The following OLFM1 variants were observed in gnomAD, a reference collection of about 807,000 sequenced individuals.
The protein encoded by OLFM1 is noelin.
Under a neutral mutation model 49.7 loss-of-function variants are expected in OLFM1, and 9 were observed. That is an observed-to-expected ratio of 0.18 (90% confidence interval 0.11 to 0.32). The LOEUF is 0.32. OLFM1 is among the 10% of genes least tolerant of loss of function. OLFM1 has a pLI of 1.00. For synonymous variants in OLFM1, 240 were observed against 271.8 expected, an observed-to-expected ratio of 0.88 and a Z score of 1.15; for missense variants, 369 against 661.8, an observed-to-expected ratio of 0.56 and a Z score of 4.85.
rs1045583114 is a variant in OLFM1 at position 135,075,520 on chromosome 9, G to C, written c.-187G>C. 25 of 206,786 alleles carry C rather than the reference G, an allele frequency of 1.2e-4. No homozygotes were observed. The East Asian group carries it at 2.8e-3, about 23-fold the overall frequency. The allele number at this position is 206,786 out of a possible 1,614,324, so 12.8% of individuals were successfully genotyped here. A position where few individuals can be genotyped will look rare whatever the true frequency, so the allele number is the denominator to read the frequency against. ...GCCCGGAGGCAGACGCGCCGGAACCGGGACGCGATAAATATGCAGAGCGGA... is the reference window on the plus strand; with the variant it reads ...GCCCGGAGGCAGACGCGCCGGAACCCGGACGCGATAAATATGCAGAGCGGA... On this transcript the variant is annotated 5_prime_UTR_variant, in exon 1 of 6. Coordinates refer to the OLFM1 transcript ENST00000252854.
exon 1 of OLFM1, chr9:135,075,523 A>C: frequency 1.9e-5 from 4 of 210,476 alleles, no homozygotes; most frequent in East Asian, 2.1e-4. Flanking sequence ...CGGAACCGGG[A>C]CGCGATAAAT....
intron 5 of OLFM1, among the ~76,000 whole-genome samples, chr9:135,109,986 C>T (rs981292738): frequency 3.3e-5 from 5 of 152,198 alleles, no homozygotes; most frequent in Admixed American, 6.5e-5. Context: ...TTATTAAGCA[C>T]TGACTGTATG....
chr9:135,117,176 G>A lies in OLFM1; in HGVS notation c.784-2328G>A, dbSNP rs777545586. 6.6e-6 allele frequency among the ~76,000 whole-genome samples: 1 copy of A among 152,140 alleles called. No individual in the cohort carries two copies. Among genetic ancestry groups the A allele is most frequent in the Non-Finnish European group, 1.5e-5 (1 of 68,018 alleles). On this transcript the variant is annotated intron_variant, in intron 5 of 5. Coordinates refer to ENST00000371793, the MANE Select transcript of OLFM1 (RefSeq NM_001282611.2). This position sits in a 1 kb window ranked among gnomAD's most constrained non-coding sequence, Gnocchi z 5.5. ...GTTGAAAATGACTAAAGCATTTTGC[G>A]CAAAGTCCAGACAGTTCTCAAGTCA... is the stretch of plus-strand genomic sequence containing the variant.
At chr9:135,116,378 C>T (rs1443507581) in intron 5 of OLFM1, among the ~76,000 whole-genome samples, 1 of 152,142 alleles carries the variant, frequency 6.6e-6, no homozygotes, top group Non-Finnish European at 1.5e-5. Flanking sequence ...CTCCCACCCC[C>T]AATTACATCT....
intron 5 of OLFM1, among the ~76,000 whole-genome samples, chr9:135,112,273 G>A (rs1435352355): frequency 6.6e-6 from 1 of 152,238 alleles, no homozygotes; most frequent in Non-Finnish European, 1.5e-5. Context: ...CTCTCAGTTG[G>A]GAGAGGCACC....
In OLFM1 at chr9:135,113,927, A is replaced by C. The variant is rs1831058478; in HGVS notation, c.784-5577A>C. Among the ~76,000 whole-genome samples, 1 of 152,234 alleles carries C rather than the reference A, an allele frequency of 6.6e-6. No individual in the cohort carries two copies. Among genetic ancestry groups the C allele is most frequent in the Non-Finnish European group, 1.5e-5 (1 of 67,996 alleles). ...AGGGCGCCTGCAGGGCTGCGCTCTGAAGATGCCAGGGGAGGACCCTCCTGC... is the reference window on the plus strand; with the variant it reads ...AGGGCGCCTGCAGGGCTGCGCTCTGCAGATGCCAGGGGAGGACCCTCCTGC... On this transcript the variant is annotated intron_variant, in intron 5 of 5. Transcript: ENST00000371793. This position sits in a 1 kb window ranked among gnomAD's most constrained non-coding sequence, Gnocchi z 4.0.
At chr9:135,079,753 C>T (rs899638405) in intron 1 of OLFM1, among the ~76,000 whole-genome samples, 8 of 152,128 alleles carry the variant, frequency 5.3e-5, no homozygotes, top group African/African-American at 1.9e-4. Flanking sequence ...CGGAGCTCTC[C>T]TCATTAGCCA....
At chr9:135,076,757 A>G (rs1830471490) in intron 1 of OLFM1, 1 of 1,478,956 alleles carries the variant, frequency 6.8e-7, no homozygotes, top group Non-Finnish European at 9.0e-7. Context: ...CTTGGCCCCA[A>G]GCCCCAGCTG....
chr9:135,089,801 C>T (rs917748930), intron 1 of OLFM1, among the ~76,000 whole-genome samples: 1 of 152,170 alleles, frequency 6.6e-6, no homozygotes, highest in Admixed American at 6.5e-5. Context: ...TTCTGAAATA[C>T]GTGCCCGCTG....
chr9:135,114,400 C>T (rs1188025230), intron 5 of OLFM1, among the ~76,000 whole-genome samples: 1 of 152,136 alleles, frequency 6.6e-6, no homozygotes, highest in African/African-American at 2.4e-5. Context: ...CAAGCGTAAG[C>T]CCCCATGCCC....
intron 4 of OLFM1, among the ~76,000 whole-genome samples, chr9:135,104,539 T>G (rs9969674): frequency 0.027 from 4,031 of 151,784 alleles, 199 homozygotes; most frequent in African/African-American, 0.092. Context: ...CGCTGCTGGA[T>G]GGAAACCCAG....
At chr9:135,101,682 C>T (rs1019182289) in intron 4 of OLFM1, among the ~76,000 whole-genome samples, 1 of 152,218 alleles carries the variant, frequency 6.6e-6, no homozygotes, top group Admixed American at 6.5e-5. Context: ...CCCCTGGCCT[C>T]GTCCCCTGAG....
In OLFM1 at chr9:135,088,246, G is replaced by T. The variant is rs1423620622; in HGVS notation, c.150+107G>T. The T allele has an allele frequency of 1.9e-5, 20 of 1,066,672 alleles. No individual in the cohort carries two copies. Among genetic ancestry groups the T allele is most frequent in the Non-Finnish European group, 2.4e-5 (20 of 846,220 alleles). The allele number at this position is 1,066,672 out of a possible 1,614,324, so 66.1% of individuals were successfully genotyped here. ...GCGGGCGCCGCGCGGGACCCGAGTCGCCCAGGGAGGCGGCGGGGAGCAGGG... is the reference window on the plus strand; with the variant it reads ...GCGGGCGCCGCGCGGGACCCGAGTCTCCCAGGGAGGCGGCGGGGAGCAGGG... On this transcript the variant is annotated intron_variant, in intron 1 of 5. Coordinates refer to ENST00000371793, the MANE Select transcript of OLFM1 (RefSeq NM_001282611.2). This position sits in a 1 kb window ranked among gnomAD's most constrained non-coding sequence, Gnocchi z 4.8.
intron 1 of OLFM1, among the ~76,000 whole-genome samples, chr9:135,079,558 C>T (rs577905): frequency 0.26 from 38,976 of 151,842 alleles, 5,502 homozygotes; most frequent in East Asian, 0.51. Flanking sequence ...TGAGCCGAGA[C>T]TGCACCACTG....
At chr9:135,107,407 G>A (rs1830960259) in intron 5 of OLFM1, among the ~76,000 whole-genome samples, 1 of 152,234 alleles carries the variant, frequency 6.6e-6, no homozygotes, top group South Asian at 2.1e-4. Context: ...CAGAAGAGGA[G>A]AGAGAAACAG....
intron 5 of OLFM1, among the ~76,000 whole-genome samples, chr9:135,110,489 C>T (rs1484532370): frequency 2.0e-5 from 3 of 152,200 alleles, no homozygotes; most frequent in African/African-American, 7.2e-5. Context: ...CCTTTCCCAT[C>T]ATCTAAACAG....
chr9:135,081,658 G>A (rs2119087609), intron 1 of OLFM1, among the ~76,000 whole-genome samples: 1 of 152,332 alleles, frequency 6.6e-6, no homozygotes, highest in East Asian at 1.9e-4. Flanking sequence ...CTCAGCATGT[G>A]CATGACAACT....
intron 1 of OLFM1, chr9:135,075,996 C>G (rs150226630): frequency 2.1e-6 from 3 of 1,436,762 alleles, no homozygotes; most frequent in Non-Finnish European, 2.7e-6. Flanking sequence ...GCAGGCTGAC[C>G]GGAGACGGCG....
In OLFM1 at chr9:135,088,285, G is replaced by A; in HGVS notation, c.150+146G>A. The A allele has an allele frequency of 2.7e-6, 2 of 734,310 alleles. No homozygotes were observed. The highest frequency in any genetic ancestry group is 1.8e-6 in the Non-Finnish European group (1 of 548,252). 45.5% of individuals were successfully genotyped at this position (734,310 alleles called of 1,614,324 possible). ...CGGGGAGCAGGGCGGGCAAGGGCAGGCGTCGCGGGCCGGCGCAGCGGTGGC... is the reference window on the plus strand; with the variant it reads ...CGGGGAGCAGGGCGGGCAAGGGCAGACGTCGCGGGCCGGCGCAGCGGTGGC... On this transcript the variant is annotated intron_variant, in intron 1 of 5. Transcript: ENST00000371793. The surrounding 1 kb of genome is among the most constrained non-coding windows in gnomAD (Gnocchi z 4.8).
Sources: gnomAD v4.1 joint callset for allele counts (sites outside exome capture counted in the v4.1 genomes callset) on GRCh38, gnomAD v4.1.1 for gene constraint, Gnocchi (gnomAD v3.1) non-coding constraint, MANE v1.5 for transcripts, NCBI Gene and HGNC (gene_info 2026-07-23, HGNC 2026-07-21) for gene names.